Variants in UGDH observed in about 807,000 individuals in gnomAD.
UGDH encodes the protein UDP-Glc dehydrogenase.
UGDH carries 38 observed loss-of-function variants against 50.6 expected under a neutral mutation model. The ratio of observed to expected loss-of-function variants is 0.75; its 90% CI spans 0.58 to 0.98. The LOEUF is 0.98. Ranked by LOEUF, UGDH falls within the 50% of genes least tolerant of loss-of-function variation. UGDH has a pLI of 0.00. For missense variants in UGDH, 465 were observed against 606.2 expected, an observed-to-expected ratio of 0.77 and a Z score of 2.45; for synonymous variants, 168 against 199.9, an observed-to-expected ratio of 0.84 and a Z score of 1.35.
chr4:39,501,762 C>A (rs1377388027), intron 11 of UGDH, among the ~76,000 whole-genome samples: 1 of 152,142 alleles, frequency 6.6e-6, no homozygotes, highest in African/African-American at 2.4e-5. Flanking sequence ...AGCAAGCCAG[C>A]CTTCACTAAA....
At chr4:39,503,337 C>T (rs769166104) in intron 11 of UGDH, among the ~76,000 whole-genome samples, 3 of 152,208 alleles carry the variant, frequency 2.0e-5, no homozygotes, top group African/African-American at 7.2e-5. Context: ...GTGTGAACCA[C>T]TATGCCTGGC....
intron 3 of UGDH, 51 bp downstream of exon 3, chr4:39,514,032 T>C: frequency 7.0e-7 from 1 of 1,430,116 alleles, no homozygotes; most frequent in Admixed American, 2.1e-5. Flanking sequence ...GATGAAACTT[T>C]TATATAGACA....
At chr4:39,526,269 G>A (rs1746887577) in intron 1 of UGDH, 1 of 152,220 alleles carries the variant, frequency 6.6e-6, no homozygotes, top group Non-Finnish European at 1.5e-5. Flanking sequence ...AGCTGTGGAA[G>A]TAAACAAGAA....
At chr4:39,508,495 A>T in intron 7 of UGDH, 71 bp downstream of exon 7, 1 of 1,465,806 alleles carries the variant, frequency 6.8e-7, no homozygotes, top group African/African-American at 1.5e-5. Flanking sequence ...TGGCTTCCTA[A>T]AGTGCTGCGA....
intron 1 of UGDH, among the ~76,000 whole-genome samples, chr4:39,525,915 C>T (rs192603424): frequency 6.6e-6 from 1 of 152,220 alleles, no homozygotes; most frequent in African/African-American, 2.4e-5. Flanking sequence ...GAGTTTTTAC[C>T]TCTGTATTTT....
chr4:39,519,609 G>T (rs1467220295), intron 2 of UGDH, among the ~76,000 whole-genome samples: 1 of 151,994 alleles, frequency 6.6e-6, no homozygotes, highest in Non-Finnish European at 1.5e-5. Flanking sequence ...CGTGATCTCG[G>T]CTCACTGCAA....
At chr4:39,514,650 A>C (rs370357197) in intron 2 of UGDH, among the ~76,000 whole-genome samples, 15 of 151,410 alleles carry the variant, frequency 9.9e-5, no homozygotes, top group African/African-American at 3.6e-4. Context: ...GGATTATAGG[A>C]GTGAGCCACC....
intron 1 of UGDH, chr4:39,526,948 G>A (rs1295403460): frequency 8.3e-7 from 1 of 1,207,360 alleles, no homozygotes; most frequent in Non-Finnish European, 1.1e-6. Flanking sequence ...CCCAACGAGA[G>A]AACCGCTTCC....
intron 3 of UGDH, among the ~76,000 whole-genome samples, chr4:39,512,727 T>C (rs1361758062): frequency 3.9e-5 from 6 of 152,166 alleles, no homozygotes; most frequent in Admixed American, 1.3e-4. Context: ...ACTCTAACTT[T>C]CTGCAAGTTT....
Position 39,510,407 on chromosome 4 carries a change from A to T in UGDH, c.609T>A (p.Val203=). 1 of 1,614,204 alleles carries T rather than the reference A, an allele frequency of 6.2e-7. No individual in the cohort carries two copies. The highest frequency in any genetic ancestry group is 8.5e-7 in the Non-Finnish European group (1 of 1,180,040). The part of the protein sequence containing the change: ...QALCAVYEHW[V]PREKILTTNT... The stretch of plus-strand genomic sequence containing the variant: ...TAGTGGTGAGGATCTTTTCTCTGGG[A>T]ACCCAGTGCTCATATACAGCACACA... The change falls in exon 5 of 12, where the codon GTT becomes GTA. Residue 203 remains valine (V), a synonymous_variant. Transcript: ENST00000316423.
chr4:39,520,177 A>G (rs1746592219), intron 2 of UGDH, among the ~76,000 whole-genome samples: 2 of 152,124 alleles, frequency 1.3e-5, no homozygotes, highest in South Asian at 4.1e-4. Flanking sequence ...CGTCTCTACT[A>G]AAAATACAAA....
At position 39,527,156 on chromosome 4, in the gene UGDH, G is replaced by A. The variant is rs1746939053; in HGVS notation, c.-8+127C>T. On this transcript the variant is annotated intron_variant, in intron 1 of 11. Transcript: ENST00000316423. The stretch of plus-strand genomic sequence containing the variant: ...AGAGACGAAGGTCGTGAGACGGGAA[G>A]CCCGGGACCCAGCGCAGCGAGCGAC... The A allele has an allele frequency of 2.0e-5, 25 of 1,281,626 alleles. No homozygotes were observed. The South Asian group carries it at 3.0e-4, about 15-fold the overall frequency. 79.4% of individuals were successfully genotyped at this position (1,281,626 alleles called of 1,614,324 possible).
Position 39,500,256 on chromosome 4 carries a change from G to GAAA in UGDH, c.1375-6_1375-4dup. 1 of 1,508,274 alleles carries GAAA rather than the reference G, an allele frequency of 6.6e-7. No individual in the cohort carries two copies. Among genetic ancestry groups the GAAA allele is most frequent in the Non-Finnish European group, 9.0e-7 (1 of 1,111,382 alleles). 93.4% of individuals were successfully genotyped at this position (1,508,274 alleles called of 1,614,324 possible). On this transcript the variant is annotated splice_polypyrimidine_tract_variant and splice_region_variant and intron_variant, in intron 11 of 11. Coordinates refer to ENST00000316423, the MANE Select transcript of UGDH (RefSeq NM_003359.4). ...ACCTTTTTGCCAATTGTTTCAATCTGAAAAAAAAATAAAATTTAAGAGAAC... is the reference window on the plus strand; with the variant it reads ...ACCTTTTTGCCAATTGTTTCAATCTGAAAAAAAAAAAATAAAATTTAAGAGAAC...
At chr4:39,513,019 G>A (rs565149233) in intron 3 of UGDH, among the ~76,000 whole-genome samples, 24 of 152,098 alleles carry the variant, frequency 1.6e-4, no homozygotes, top group Admixed American at 1.4e-3. Flanking sequence ...TGTTGCCCAC[G>A]CTGGTCTCAA....
chr4:39,500,396 C>A, intron 11 of UGDH, 143 bp from the exon 12 acceptor site: 1 of 537,228 alleles, frequency 1.9e-6, no homozygotes, highest in East Asian at 2.9e-5. Flanking sequence ...TATGAGAGAT[C>A]TTTGGTTTCT....
At chr4:39,522,666 T>G (rs1746712311) in intron 1 of UGDH, among the ~76,000 whole-genome samples, 1 of 152,202 alleles carries the variant, frequency 6.6e-6, no homozygotes, top group Admixed American at 6.5e-5. Flanking sequence ...GTAGGTATCC[T>G]GGATTGTTTG....
At chr4:39,507,942 C>CAAAAAAA (rs34122254) in intron 7 of UGDH, among the ~76,000 whole-genome samples, 3 of 76,578 alleles carry the variant, frequency 3.9e-5, no homozygotes, top group Non-Finnish European at 6.4e-5. Flanking sequence ...GATCTTGTCT[C>CAAAAAAA]AAAAAAAAAA....
chr4:39,518,793 G>A (rs371518285), intron 2 of UGDH, among the ~76,000 whole-genome samples: 2 of 152,010 alleles, frequency 1.3e-5, no homozygotes, highest in East Asian at 1.9e-4. Context: ...TATCAAACAC[G>A]TCTGCCAAGT....
rs575704336 is a variant in UGDH, at chr4:39,507,734, G to A, written c.906+832C>T. 5.9e-5 allele frequency among the ~76,000 whole-genome samples: 9 copies of A among 152,230 alleles called. No individual in the cohort carries two copies. The South Asian group carries it at 1.2e-3, about 21-fold the overall frequency. ...GAGGCAAAGATGGGAGGACTGCTGA[G>A]CCCAGGAGTTTCAGACCAGCCTGGG... On this transcript the variant is annotated intron_variant, in intron 7 of 11. Transcript: ENST00000316423.
Sources: gnomAD v4.1 joint callset for allele counts (sites outside exome capture counted in the v4.1 genomes callset) on GRCh38, gnomAD v4.1.1 for gene constraint, MANE v1.5 for transcripts, NCBI Gene and HGNC (gene_info 2026-07-23, HGNC 2026-07-21) for gene names.